Variants in LRP1B observed in about 807,000 individuals in gnomAD.
LRP1B encodes LDL receptor related protein 1B, also known as low-density lipoprotein receptor-related protein 1B.
In LRP1B, 217 loss-of-function variants were observed where a neutral mutation model predicts 556.6. The ratio of observed to expected loss-of-function variants is 0.39; its 90% CI spans 0.35 to 0.44. The LOEUF (loss-of-function observed/expected upper bound fraction) is 0.44, where lower values mean the gene tolerates loss of function less well. LRP1B is among the 20% of genes least tolerant of loss of function. The pLI, the probability that LRP1B is intolerant of heterozygous loss-of-function variation, is 1.00. For missense variants in LRP1B, 5,053 were observed against 5,620.8 expected, an observed-to-expected ratio of 0.90 and a Z score of 3.23; for synonymous variants, 2,047 against 1,865.8, an observed-to-expected ratio of 1.10 and a Z score of -2.50.
intron 1 of LRP1B, among the ~76,000 whole-genome samples, chr2:142,091,837 T>C (rs1414524061): frequency 1.3e-5 from 2 of 152,212 alleles, no homozygotes; most frequent in Non-Finnish European, 2.9e-5. Flanking sequence ...TGTGACCCAA[T>C]TTTGATCAAT....
intron 2 of LRP1B, among the ~76,000 whole-genome samples, chr2:141,586,645 T>C (rs1460143437): frequency 6.6e-6 from 1 of 151,982 alleles, no homozygotes; most frequent in Non-Finnish European, 1.5e-5. Flanking sequence ...CAAGTATGCA[T>C]TAAAGAGAGA....
At chr2:140,393,433 CTTTTTT>C (rs530739346) in intron 66 of LRP1B, among the ~76,000 whole-genome samples, 1 of 146,942 alleles carries the variant, frequency 6.8e-6, no homozygotes, top group Non-Finnish European at 1.5e-5. Flanking sequence ...TGTTTCGTTC[CTTTTTT>C]TTTTAAGTTT....
chr2:140,946,025 T>C (rs569008549), intron 20 of LRP1B, among the ~76,000 whole-genome samples: 1 of 151,908 alleles, frequency 6.6e-6, no homozygotes, highest in South Asian at 2.1e-4. Context: ...AAAAACAAGT[T>C]CATCAGAAAG....
chr2:141,322,194 C>T (rs1429305415), intron 3 of LRP1B, among the ~76,000 whole-genome samples: 1 of 152,086 alleles, frequency 6.6e-6, no homozygotes, highest in African/African-American at 2.4e-5. Context: ...TGAGTTTTAT[C>T]AATCCATGAC....
chr2:141,353,371 A>G lies in LRP1B; in HGVS notation c.344-98730T>C, dbSNP rs527274886. On this transcript the variant is annotated intron_variant, in intron 3 of 90. Transcript: ENST00000389484. ...GGGAGCCACCAGCCACCCAGCTTAC[A>G]TAAGACTATAAAATAAGAGAGAATT... 2.6e-5 allele frequency among the ~76,000 whole-genome samples: 4 copies of G among 152,128 alleles called. No homozygotes were observed. The East Asian group carries it at 7.7e-4, about 29-fold the overall frequency.
intron 1 of LRP1B, among the ~76,000 whole-genome samples, chr2:142,007,289 T>C (rs1702832719): frequency 6.6e-6 from 1 of 152,194 alleles, no homozygotes; most frequent in African/African-American, 2.4e-5. Flanking sequence ...CTTGCAAAAG[T>C]TTCTTTTGCT....
intron 77 of LRP1B, among the ~76,000 whole-genome samples, chr2:140,347,770 A>G (rs562887405): frequency 3.3e-5 from 5 of 152,082 alleles, no homozygotes; most frequent in East Asian, 1.9e-4. Context: ...GTAGAAATCA[A>G]TGTGCCATAA....
chr2:141,590,281 T>C (rs1687291569), intron 2 of LRP1B, among the ~76,000 whole-genome samples: 1 of 152,200 alleles, frequency 6.6e-6, no homozygotes, highest in African/African-American at 2.4e-5. Context: ...CTAAATTGTG[T>C]TTGCCTGACA....
intron 11 of LRP1B, among the ~76,000 whole-genome samples, chr2:141,031,917 A>G (rs1218540045): frequency 6.6e-6 from 1 of 151,672 alleles, no homozygotes; most frequent in South Asian, 2.1e-4. Flanking sequence ...TAAAAACTAG[A>G]TGCACCAAAA....
At chr2:140,524,566 C>T (rs77070139) in intron 49 of LRP1B, among the ~76,000 whole-genome samples, 3,853 of 151,820 alleles carry the variant, frequency 0.025, 152 homozygotes, top group African/African-American at 0.087. Flanking sequence ...ATCAGTGGTG[C>T]ACCGGATAAA....
intron 43 of LRP1B, among the ~76,000 whole-genome samples, chr2:140,548,475 C>T (rs1158830281): frequency 1.3e-5 from 2 of 152,104 alleles, no homozygotes; most frequent in African/African-American, 4.8e-5. Context: ...ATCCCAACCC[C>T]CTCCTTTTGC....
chr2:141,478,854 T>C (rs1682811896), intron 3 of LRP1B, among the ~76,000 whole-genome samples: 1 of 152,088 alleles, frequency 6.6e-6, no homozygotes, highest in South Asian at 2.1e-4. Flanking sequence ...CTACTTTCTT[T>C]TCATATCACT....
At chr2:141,203,377 A>T (rs1682127627) in intron 6 of LRP1B, among the ~76,000 whole-genome samples, 1 of 152,130 alleles carries the variant, frequency 6.6e-6, no homozygotes, top group African/African-American at 2.4e-5. Context: ...AAAAAAAAAA[A>T]GAGTTGCAAT....
chr2:140,834,683 C>A (rs6709738), intron 31 of LRP1B, among the ~76,000 whole-genome samples: 9,403 of 152,070 alleles, frequency 0.062, 365 homozygotes, highest in African/African-American at 0.1. Context: ...CTTGGAGGAG[C>A]CAGAACCAAC....
Position 140,954,116 on chromosome 2 carries a change from A to G in LRP1B, c.2888-2176T>C, listed in dbSNP as rs181377385. Among the ~76,000 whole-genome samples, 97 of 152,334 alleles carry G rather than the reference A, an allele frequency of 6.4e-4. 1 individual carries two copies. Among genetic ancestry groups the G allele is most frequent in the African/African-American group, 2.2e-3 (92 of 41,580 alleles). ...GGATTCAGTTAACAAGATTTTGTTCATGTCAGCCACTCCTTCGTAAGTTTC... is the reference window on the plus strand; with the variant it reads ...GGATTCAGTTAACAAGATTTTGTTCGTGTCAGCCACTCCTTCGTAAGTTTC... On this transcript the variant is annotated intron_variant, in intron 18 of 90. Transcript: ENST00000389484.
chr2:140,763,139 G>A (rs1228844436), intron 35 of LRP1B, among the ~76,000 whole-genome samples: 1 of 152,042 alleles, frequency 6.6e-6, no homozygotes, highest in Non-Finnish European at 1.5e-5. Context: ...GTTTTAGCTG[G>A]ATGTTGCCGG....
Position 140,384,062 on chromosome 2 carries a change from G to A in LRP1B, c.10531+1831C>T, listed in dbSNP as rs1320734892. Among the ~76,000 whole-genome samples, 9 of 152,222 alleles carry A rather than the reference G, an allele frequency of 5.9e-5. No homozygotes were observed. The East Asian group carries it at 1.5e-3, about 26-fold the overall frequency. ...CCGCAGCAGACTCAGAAGCAGGCGAGCCCTTCCTTCTTCTCCTGCTTTTCC... is the reference window on the plus strand; with the variant it reads ...CCGCAGCAGACTCAGAAGCAGGCGAACCCTTCCTTCTTCTCCTGCTTTTCC... On this transcript the variant is annotated intron_variant, in intron 67 of 90. Coordinates refer to ENST00000389484, the MANE Select transcript of LRP1B (RefSeq NM_018557.3).
At chr2:141,971,470 C>T (rs1409942204) in intron 1 of LRP1B, among the ~76,000 whole-genome samples, 1 of 151,426 alleles carries the variant, frequency 6.6e-6, no homozygotes, top group African/African-American at 2.4e-5. Flanking sequence ...ATATCAGGGC[C>T]TTTCCTAATG....
At chr2:141,129,831 TTTTA>T (rs36171478) in intron 7 of LRP1B, among the ~76,000 whole-genome samples, 17,783 of 151,982 alleles carry the variant, frequency 0.12, 1,362 homozygotes, top group African/African-American at 0.21. Context: ...TGAAAATGAT[TTTTA>T]AAAGTGTTCT....
Sources: allele counts gnomAD v4.1 joint callset (sites outside exome capture counted in the v4.1 genomes callset), GRCh38; gene constraint gnomAD v4.1.1; transcripts MANE v1.5; gene names NCBI Gene and HGNC (gene_info 2026-07-23, HGNC 2026-07-21).